Variants in JMY observed in about 807,000 individuals in gnomAD.
The protein encoded by JMY is junction mediating and regulatory protein, p53 cofactor.
In JMY, 46 loss-of-function variants were observed where a neutral mutation model predicts 103.3. The observed-to-expected ratio is 0.45, with a 90% CI of 0.35 to 0.57. The LOEUF (loss-of-function observed/expected upper bound fraction) is 0.57, where lower values mean the gene tolerates loss of function less well. JMY is among the 20% of genes least tolerant of loss of function. The pLI is 0.00. For missense variants in JMY, 1,238 were observed against 1,255.2 expected (o/e 0.99, Z 0.21); for synonymous variants, 526 against 489.3 (o/e 1.07, Z -0.99).
chr5:79,254,073 G>A (rs1240976375), intron 1 of JMY, among the ~76,000 whole-genome samples: 1 of 150,448 alleles, frequency 6.6e-6, no homozygotes, highest in Non-Finnish European at 1.5e-5. Context: ...TCAGCCTCCT[G>A]AGTAGCTGGA....
In JMY at chr5:79,280,596, T is replaced by TA. The variant is rs151281623; in HGVS notation, c.1206+2514dup. Among the ~76,000 whole-genome samples, 714 of 152,358 alleles carry TA rather than the reference T, an allele frequency of 4.7e-3. 5 individuals carry two copies. Among genetic ancestry groups the TA allele is most frequent in the African/African-American group, 0.016 (673 of 41,586 alleles). On this transcript the variant is annotated intron_variant, in intron 2 of 10. Coordinates refer to ENST00000396137, the MANE Select transcript of JMY (RefSeq NM_152405.5). ...TTGATCCTACTTGTGAATTTGCAGA[T>TA]ATAAGTTTTTGTTAGCCAACAACTA...
At chr5:79,238,848 A>T (rs542674895) in intron 1 of JMY, among the ~76,000 whole-genome samples, 3 of 152,154 alleles carry the variant, frequency 2.0e-5, no homozygotes, top group African/African-American at 7.2e-5. Context: ...TGTTTTTAGT[A>T]GAGACGGGGT....
At chr5:79,303,221 T>C (rs1240763869) in intron 6 of JMY, among the ~76,000 whole-genome samples, 3 of 152,090 alleles carry the variant, frequency 2.0e-5, no homozygotes, top group African/African-American at 7.2e-5. Flanking sequence ...ACTGAGCAGG[T>C]GATTTTTAAA....
At chr5:79,279,713 G>T (rs775682474) in intron 2 of JMY, among the ~76,000 whole-genome samples, 2 of 152,130 alleles carry the variant, frequency 1.3e-5, no homozygotes, top group Non-Finnish European at 2.9e-5. Flanking sequence ...TTGGAAAATA[G>T]CTGTGCTGTC....
At chr5:79,284,486 C>A (rs1036700627) in intron 2 of JMY, 3 of 1,586,842 alleles carry the variant, frequency 1.9e-6, no homozygotes, top group South Asian at 1.1e-5. Flanking sequence ...CTGATTGTTG[C>A]GTTTTTTAGT....
chr5:79,251,547 C>T (rs1251537580), intron 1 of JMY, among the ~76,000 whole-genome samples: 1 of 151,958 alleles, frequency 6.6e-6, no homozygotes, highest in Non-Finnish European at 1.5e-5. Flanking sequence ...GTTTTGCAAA[C>T]AATCCAATTA....
chr5:79,242,305 G>A (rs1197601722), intron 1 of JMY, among the ~76,000 whole-genome samples: 2 of 152,106 alleles, frequency 1.3e-5, no homozygotes, highest in Non-Finnish European at 2.9e-5. Flanking sequence ...CTTTTAAAAA[G>A]GAAGGTGGGG....
intron 1 of JMY, among the ~76,000 whole-genome samples, chr5:79,240,584 C>T (rs1165016122): frequency 3.9e-5 from 6 of 152,230 alleles, no homozygotes; most frequent in South Asian, 4.1e-4. Context: ...GCTAGGATTA[C>T]AGGCGTGAAC....
intron 1 of JMY, among the ~76,000 whole-genome samples, chr5:79,265,082 T>G (rs1265455174): frequency 6.6e-6 from 1 of 151,956 alleles, no homozygotes. Context: ...CCCGCCACCA[T>G]GCCTGGCTAA....
intron 1 of JMY, among the ~76,000 whole-genome samples, chr5:79,250,628 T>G (rs1745056029): frequency 1.3e-5 from 2 of 150,024 alleles, no homozygotes; most frequent in South Asian, 4.2e-4. Flanking sequence ...TGTTAGGTAT[T>G]TTTTAATTTT....
At chr5:79,317,759 C>T (rs1032284934) in intron 10 of JMY, among the ~76,000 whole-genome samples, 6 of 152,154 alleles carry the variant, frequency 3.9e-5, no homozygotes, top group African/African-American at 1.4e-4. Flanking sequence ...AGTGCAGTGG[C>T]ACGTTCATGG....
intron 1 of JMY, among the ~76,000 whole-genome samples, chr5:79,274,625 C>A (rs145096175): frequency 6.6e-6 from 1 of 152,058 alleles, no homozygotes; most frequent in African/African-American, 2.4e-5. Flanking sequence ...AGGCTGGTCT[C>A]GAACTCCTGA....
chr5:79,256,200 A>G lies in JMY; in HGVS notation c.1032+18518A>G, dbSNP rs552327738. On this transcript the variant is annotated intron_variant, in intron 1 of 10. Transcript: ENST00000396137. ...CCCAGTGGCAGAGGAACCTCATCCCAGAGGAACAAGCCCAGGGGGAGTACT... is the reference window on the plus strand; with the variant it reads ...CCCAGTGGCAGAGGAACCTCATCCCGGAGGAACAAGCCCAGGGGGAGTACT... Among the ~76,000 whole-genome samples, 7 of 152,302 alleles carry G rather than the reference A, an allele frequency of 4.6e-5. No individual in the cohort carries two copies. In the South Asian group the frequency reaches 1.4e-3, roughly 32 times the overall value.
intron 1 of JMY, among the ~76,000 whole-genome samples, chr5:79,269,956 C>T (rs1404542003): frequency 1.3e-5 from 2 of 151,858 alleles, no homozygotes; most frequent in African/African-American, 4.8e-5. Context: ...GTCTTGAACT[C>T]CTGGGCTGAA....
Position 79,314,386 on chromosome 5 carries a change from G to A in JMY, c.2194G>A (p.Glu732Lys), listed in dbSNP as rs750898464. Residue 732 changes from glutamate to lysine, a missense_variant, in exon 9 of 11, where the codon GAG becomes AAG. By Grantham distance (56) the Glu-to-Lys change is moderately conservative. Coordinates refer to ENST00000396137, the MANE Select transcript of JMY (RefSeq NM_152405.5). Reference protein sequence around the residue: ...DSLPSVLQVEEKTEEVGEGRV... With the variant: ...DSLPSVLQVEKKTEEVGEGRV... ...TTTACCAAGTGTGTTACAGGTAGAA[G>A]AGAAAACTGAAGAGGTGGGAGAAGG... 2 of 1,614,182 alleles carry A rather than the reference G, an allele frequency of 1.2e-6. No homozygotes were observed. The highest frequency in any genetic ancestry group is 1.1e-5 in the South Asian group (1 of 91,080).
intron 1 of JMY, among the ~76,000 whole-genome samples, chr5:79,255,928 T>C (rs1043037701): frequency 2.0e-5 from 3 of 152,174 alleles, no homozygotes; most frequent in Non-Finnish European, 2.9e-5. Flanking sequence ...CTATAACCAC[T>C]CCCTGGCTAC....
Position 79,322,571 on chromosome 5 carries a change from G to C in JMY, c.*969G>C, listed in dbSNP as rs1047411994. On this transcript the variant is annotated 3_prime_UTR_variant, in exon 11 of 11. Coordinates refer to ENST00000396137, the MANE Select transcript of JMY (RefSeq NM_152405.5). ...GAAAAGCATGTGCTCTACAAAGATA[G>C]AAAGTAGAGACAAGTCTCCGTGGCT... The C allele has an allele frequency of 3.9e-5, 6 of 152,192 alleles. No homozygotes were observed. Among genetic ancestry groups the C allele is most frequent in the African/African-American group, 1.4e-4 (6 of 41,444 alleles). The allele number at this position is 152,192 out of a possible 1,614,324, so 9.4% of individuals were successfully genotyped here.
Position 79,237,276 on chromosome 5 carries a change from C to G in JMY, c.626C>G (p.Ser209Trp). 2.6e-6 allele frequency: 4 copies of G among 1,553,012 alleles called. No individual in the cohort carries two copies. The highest frequency in any genetic ancestry group is 1.7e-6 in the Non-Finnish European group (2 of 1,148,180). The change falls in exon 1 of 11, where the codon TCG (serine) becomes TGG (tryptophan). Residue 209 changes from serine (S) to tryptophan (W), a missense_variant. By Grantham distance (177) the Ser-to-Trp change is radical (BLOSUM62 -3). Coordinates refer to ENST00000396137, the MANE Select transcript of JMY (RefSeq NM_152405.5). ...VKEDEAPLAL[S>W]DAEQPPPATE... ...GAGGACGAGGCACCTCTGGCGCTCT[C>G]GGACGCGGAGCAGCCGCCGCCCGCC...
chr5:79,263,943 G>C (rs568215639), intron 1 of JMY, among the ~76,000 whole-genome samples: 1 of 151,732 alleles, frequency 6.6e-6, no homozygotes, highest in African/African-American at 2.4e-5. Flanking sequence ...GATTACAGGC[G>C]CCTGCCACCA....
Sources: gnomAD v4.1 joint callset for allele counts (sites outside exome capture counted in the v4.1 genomes callset) on GRCh38, gnomAD v4.1.1 for gene constraint, MANE v1.5 for transcripts, NCBI Gene and HGNC (gene_info 2026-07-23, HGNC 2026-07-21) for gene names.